Variants in ENTREP2 observed in about 807,000 individuals in gnomAD.
The protein encoded by ENTREP2 is protein ENTREP2.
the ENTREP2 span, among the ~76,000 whole-genome samples, chr15:29,254,581 A>G: frequency 9.5e-4 from 143 of 151,280 alleles, no homozygotes; most frequent in Middle Eastern, 3.4e-3. Flanking sequence ...ATTCCCGGCC[A>G]GGCGCAGTGG....
chr15:29,119,861 G>A, the ENTREP2 span, among the ~76,000 whole-genome samples: 106,548 of 152,058 alleles, frequency 0.7, 39,895 homozygotes, highest in Middle Eastern at 0.89. Flanking sequence ...AGGACAAGGC[G>A]GGGAAGCAGG....
chr15:29,252,057 A>G, the ENTREP2 span, among the ~76,000 whole-genome samples: 2 of 152,346 alleles, frequency 1.3e-5, no homozygotes, highest in South Asian at 2.1e-4. Context: ...AACAAATGCT[A>G]AAATATAATA....
the ENTREP2 span, among the ~76,000 whole-genome samples, chr15:29,354,152 G>A: frequency 1.2e-3 from 178 of 152,272 alleles, no homozygotes; most frequent in Middle Eastern, 0.014. Context: ...GAAGGGCGCC[G>A]TCTCTCTCCC....
At chr15:29,374,161 A>T in the ENTREP2 span, 1 of 152,176 alleles carries the variant, frequency 6.6e-6, no homozygotes, top group African/African-American at 2.4e-5. Context: ...CATCAATGTA[A>T]CACAGTCTCA....
chr15:29,627,634 TG>T, the ENTREP2 span, among the ~76,000 whole-genome samples: 2 of 151,914 alleles, frequency 1.3e-5, no homozygotes, highest in African/African-American at 4.8e-5. Flanking sequence ...ATCCATTAAA[TG>T]GTAAGTCCTT....
chr15:29,221,960 C>T, the ENTREP2 span, among the ~76,000 whole-genome samples: 1 of 152,146 alleles, frequency 6.6e-6, no homozygotes, highest in African/African-American at 2.4e-5. Context: ...AGGAGCTCTC[C>T]TGCATGACTT....
At chr15:29,350,372 T>A in the ENTREP2 span, among the ~76,000 whole-genome samples, 1 of 152,202 alleles carries the variant, frequency 6.6e-6, no homozygotes, top group South Asian at 2.1e-4. Flanking sequence ...TCATGTTTCT[T>A]CTCTTTTATT....
chr15:29,569,047 C>G, the ENTREP2 span, among the ~76,000 whole-genome samples: 3 of 152,142 alleles, frequency 2.0e-5, no homozygotes, highest in Non-Finnish European at 4.4e-5. Flanking sequence ...CCTCAGTGCC[C>G]GCTAGACAGA....
chr15:29,196,864 G>A, the ENTREP2 span, among the ~76,000 whole-genome samples: 67,722 of 152,078 alleles, frequency 0.45, 16,361 homozygotes, highest in African/African-American at 0.63. Context: ...TAGATTGAAA[G>A]TCACTCATGC....
At chr15:29,234,081 A>T in the ENTREP2 span, 1 of 1,495,552 alleles carries the variant, frequency 6.7e-7, no homozygotes, top group African/African-American at 1.4e-5. Flanking sequence ...GCTTCTTCGA[A>T]CCGTCTTGAT....
the ENTREP2 span, among the ~76,000 whole-genome samples, chr15:29,594,604 T>C: frequency 0.015 from 2,320 of 152,276 alleles, 60 homozygotes; most frequent in African/African-American, 0.053. Context: ...ATTTTTTGAA[T>C]GAGTGAATGA....
chr15:29,333,528 G>C, the ENTREP2 span, among the ~76,000 whole-genome samples: 2 of 152,094 alleles, frequency 1.3e-5, no homozygotes, highest in Non-Finnish European at 2.9e-5. Flanking sequence ...ACCCGGCTTT[G>C]GGGGGACACG....
chr15:29,560,184 G>A, the ENTREP2 span, among the ~76,000 whole-genome samples: 1 of 152,156 alleles, frequency 6.6e-6, no homozygotes, highest in Non-Finnish European at 1.5e-5. Context: ...ACGTTAGGAA[G>A]GACCACTGGT....
the ENTREP2 span, chr15:29,234,276 G>A: frequency 1.6e-5 from 25 of 1,612,224 alleles, no homozygotes; most frequent in Middle Eastern, 1.6e-4. Flanking sequence ...TTAAGTTCTC[G>A]TGCTGTATCA....
chr15:29,268,532 T>G, the ENTREP2 span: 1 of 425,474 alleles, frequency 2.4e-6, no homozygotes, highest in African/African-American at 2.0e-5. Context: ...GTTTTCCAAT[T>G]CGTTTTACTA....
chr15:29,310,487 C>T, the ENTREP2 span, among the ~76,000 whole-genome samples: 1 of 152,158 alleles, frequency 6.6e-6, no homozygotes, highest in Non-Finnish European at 1.5e-5. Context: ...AGGATGTGCT[C>T]AGCCCCTGGG....
At chr15:29,369,774 T>C in the ENTREP2 span, among the ~76,000 whole-genome samples, 1 of 152,228 alleles carries the variant, frequency 6.6e-6, no homozygotes, top group Non-Finnish European at 1.5e-5. Flanking sequence ...TGCAACAGTG[T>C]TTGGAGGTGG....
the ENTREP2 span, among the ~76,000 whole-genome samples, chr15:29,142,533 GA>G: frequency 6.6e-6 from 1 of 152,206 alleles, no homozygotes; most frequent in Non-Finnish European, 1.5e-5. Flanking sequence ...GAGGCGGAGA[GA>G]AGACACTGGT....
At chr15:29,477,319 G>A in the ENTREP2 span, among the ~76,000 whole-genome samples, 1 of 152,088 alleles carries the variant, frequency 6.6e-6, no homozygotes, top group African/African-American at 2.4e-5. Context: ...TTGGGTGCCG[G>A]CTACACAGAG....
Sources: allele counts gnomAD v4.1 joint callset (sites outside exome capture counted in the v4.1 genomes callset), GRCh38; gene constraint gnomAD v4.1.1; transcripts MANE v1.5; gene names NCBI Gene and HGNC (gene_info 2026-07-23, HGNC 2026-07-21).